The following RBFOX1 variants were observed in gnomAD, a reference collection of about 807,000 sequenced individuals.
RBFOX1 encodes the protein RNA binding protein fox-1 homolog 1.
RBFOX1 carries 8 observed loss-of-function variants against 57.7 expected under a neutral mutation model. The ratio of observed to expected loss-of-function variants is 0.14; its 90% confidence interval spans 0.08 to 0.25. The LOEUF (loss-of-function observed/expected upper bound fraction) is 0.25, where lower values mean the gene tolerates loss of function less well. RBFOX1 is among the 10% of genes least tolerant of loss of function. The probability of loss-of-function intolerance (pLI) is 1.00; values close to 1 mark genes in which losing one functional copy is unlikely to be tolerated. For missense variants in RBFOX1, 611 were observed against 548.5 expected, an observed-to-expected ratio of 1.11 and a Z score of -1.14; for synonymous variants, 326 against 222.4, an observed-to-expected ratio of 1.47 and a Z score of -4.15.
chr16:7,262,211 C>A (rs1190010485), intron 4 of RBFOX1, among the ~76,000 whole-genome samples: 1 of 152,046 alleles, frequency 6.6e-6, no homozygotes, highest in Non-Finnish European at 1.5e-5. Flanking sequence ...GTTATTTCTA[C>A]TGCAGTAAGC....
At chr16:7,141,858 C>G (rs1026869017) in intron 4 of RBFOX1, among the ~76,000 whole-genome samples, 2 of 152,178 alleles carry the variant, frequency 1.3e-5, no homozygotes, top group Non-Finnish European at 2.9e-5. Context: ...CTTGTTTCTT[C>G]TCACCTATTC....
chr16:5,258,602 C>T (rs2062649384), intron 1 of RBFOX1, among the ~76,000 whole-genome samples: 1 of 152,300 alleles, frequency 6.6e-6, no homozygotes, highest in African/African-American at 2.4e-5. Flanking sequence ...TGTCTAAGCT[C>T]TGTGGTCCAT....
chr16:5,860,654 G>A (rs2151885617), intron 3 of RBFOX1, among the ~76,000 whole-genome samples: 1 of 152,234 alleles, frequency 6.6e-6, no homozygotes, highest in South Asian at 2.1e-4. Context: ...ACCTCCCCAG[G>A]GCTAAAAGAG....
intron 3 of RBFOX1, among the ~76,000 whole-genome samples, chr16:6,999,822 A>G (rs1257189283): frequency 6.6e-6 from 1 of 152,174 alleles, no homozygotes; most frequent in African/African-American, 2.4e-5. Flanking sequence ...CTGTAATCCC[A>G]GTATTTTGGG....
chr16:6,934,243 C>T (rs1415640329), intron 3 of RBFOX1, among the ~76,000 whole-genome samples: 3 of 152,208 alleles, frequency 2.0e-5, no homozygotes, highest in Non-Finnish European at 2.9e-5. Context: ...TAACTTGAGT[C>T]ACTGTGAAAG....
intron 2 of RBFOX1, among the ~76,000 whole-genome samples, chr16:5,524,226 C>T (rs576465255): frequency 2.6e-5 from 4 of 152,276 alleles, no homozygotes; most frequent in Non-Finnish European, 4.4e-5. Flanking sequence ...CTGTGCTCTA[C>T]GTGCAAACCA....
intron 3 of RBFOX1, among the ~76,000 whole-genome samples, chr16:6,885,158 T>C (rs2063730478): frequency 1.3e-5 from 2 of 152,286 alleles, no homozygotes; most frequent in South Asian, 4.1e-4. Context: ...CGCCTCCTCC[T>C]TCCCTAATTC....
intron 2 of RBFOX1, among the ~76,000 whole-genome samples, chr16:5,593,917 G>C (rs886416472): frequency 1.3e-5 from 2 of 152,108 alleles, no homozygotes; most frequent in Admixed American, 1.3e-4. Context: ...GACCCCATTT[G>C]TCTTACACAA....
intron 3 of RBFOX1, among the ~76,000 whole-genome samples, chr16:6,944,309 C>T (rs1040270211): frequency 2.7e-5 from 4 of 150,718 alleles, no homozygotes; most frequent in East Asian, 2.0e-4. Flanking sequence ...GCAGGAGAAT[C>T]GCTTGAACCG....
chr16:6,333,959 T>C (rs1234601506), intron 2 of RBFOX1, among the ~76,000 whole-genome samples: 2 of 152,152 alleles, frequency 1.3e-5, no homozygotes, highest in Non-Finnish European at 2.9e-5. Flanking sequence ...CAAAGAACAA[T>C]TAAAGTGAAT....
At chr16:5,548,491 T>TA (rs1270821633) in intron 2 of RBFOX1, among the ~76,000 whole-genome samples, 1 of 152,004 alleles carries the variant, frequency 6.6e-6, no homozygotes, top group Non-Finnish European at 1.5e-5. Context: ...TAGATTTAAG[T>TA]ATAACGTAAA....
chr16:5,877,102 A>C (rs1403584108), intron 4 of RBFOX1, among the ~76,000 whole-genome samples: 1 of 152,194 alleles, frequency 6.6e-6, no homozygotes, highest in Non-Finnish European at 1.5e-5. Context: ...CTCCTAACAG[A>C]ATAAAAGAAT....
intron 1 of RBFOX1, among the ~76,000 whole-genome samples, chr16:6,087,508 C>G (rs1160326876): frequency 2.0e-5 from 3 of 152,126 alleles, no homozygotes; most frequent in Non-Finnish European, 4.4e-5. Flanking sequence ...TTTGGAATCA[C>G]TGTAACCTGC....
chr16:7,461,865 G>T (rs1009656955), intron 4 of RBFOX1, among the ~76,000 whole-genome samples: 4 of 152,164 alleles, frequency 2.6e-5, no homozygotes, highest in African/African-American at 9.7e-5. Context: ...TGCAGTGACT[G>T]TGAGAGCCCT....
At chr16:6,357,653 C>G (rs556896391) in intron 2 of RBFOX1, among the ~76,000 whole-genome samples, 1 of 151,960 alleles carries the variant, frequency 6.6e-6, no homozygotes, top group Non-Finnish European at 1.5e-5. Flanking sequence ...TCTGAGTTCT[C>G]TACTGAGAGC....
At chr16:5,829,604 C>G (rs1370304223) in intron 3 of RBFOX1, among the ~76,000 whole-genome samples, 1 of 152,104 alleles carries the variant, frequency 6.6e-6, no homozygotes, top group African/African-American at 2.4e-5. Context: ...CCCTCCTTTT[C>G]TTTCTCTCTT....
intron 2 of RBFOX1, among the ~76,000 whole-genome samples, chr16:5,556,240 C>G (rs1018749406): frequency 2.6e-5 from 4 of 152,178 alleles, no homozygotes; most frequent in Admixed American, 6.5e-5. Flanking sequence ...CTTTGCTTTG[C>G]TTTAAGGCTA....
intron 2 of RBFOX1, among the ~76,000 whole-genome samples, chr16:6,450,828 T>TATACAC (rs2094595348): frequency 3.7e-5 from 1 of 27,390 alleles, no homozygotes; most frequent in African/African-American, 2.4e-4. Flanking sequence ...CATATATATA[T>TATACAC]ATATATATGT....
intron 3 of RBFOX1, among the ~76,000 whole-genome samples, chr16:5,866,753 C>T (rs2057352173): frequency 6.6e-6 from 1 of 152,144 alleles, no homozygotes; most frequent in Admixed American, 6.5e-5. Context: ...GAAATGGGGT[C>T]ATAAAAGTTA....
Sources: gnomAD v4.1 joint callset for allele counts (sites outside exome capture counted in the v4.1 genomes callset) on GRCh38, gnomAD v4.1.1 for gene constraint, MANE v1.5 for transcripts, NCBI Gene and HGNC (gene_info 2026-07-23, HGNC 2026-07-21) for gene names.